ARK2N: variants seen among roughly 807,000 people sequenced by gnomAD.
The protein encoded by ARK2N is arkadia (RNF111) N-terminal like PKA signaling regulator 2N.
the ARK2N span, among the ~76,000 whole-genome samples, chr18:46,186,746 G>T: frequency 2.0e-5 from 3 of 152,076 alleles, no homozygotes; most frequent in African/African-American, 7.2e-5. Flanking sequence ...CTGACCTCGT[G>T]ATCCGCCCAC....
the ARK2N span, chr18:46,216,091 T>G: frequency 1.2e-6 from 2 of 1,614,142 alleles, no homozygotes; most frequent in East Asian, 4.5e-5. The surrounding 1 kb of genome is among the most constrained non-coding windows in gnomAD (Gnocchi z 4.3). Flanking sequence ...TGAGTCTCAG[T>G]TAGCATCCAC....
At chr18:46,232,430 C>A in the ARK2N span, 1 of 152,142 alleles carries the variant, frequency 6.6e-6, no homozygotes, top group Non-Finnish European at 1.5e-5. Context: ...TGCCACATGT[C>A]AGAAAATACA....
At chr18:46,237,747 C>T in the ARK2N span, among the ~76,000 whole-genome samples, 1 of 152,074 alleles carries the variant, frequency 6.6e-6, no homozygotes, top group South Asian at 2.1e-4. Flanking sequence ...GTAAAATGAC[C>T]TTGGAACACA....
chr18:46,244,601 A>ATTTTTTTT, the ARK2N span, among the ~76,000 whole-genome samples: 12,986 of 93,456 alleles, frequency 0.14, 1,732 homozygotes, highest in African/African-American at 0.17. Context: ...AAGAGTTTAG[A>ATTTTTTTT]TTTTTTTTTT....
chr18:46,252,879 C>T, the ARK2N span, among the ~76,000 whole-genome samples: 3 of 152,134 alleles, frequency 2.0e-5, no homozygotes, highest in Admixed American at 6.5e-5. Flanking sequence ...TTCTGTGAAG[C>T]TCATGTTTTC....
the ARK2N span, among the ~76,000 whole-genome samples, chr18:46,188,325 G>A: frequency 3.3e-5 from 5 of 152,046 alleles, no homozygotes; most frequent in African/African-American, 4.8e-5. Flanking sequence ...CTCAGCCTCC[G>A]GAGCAGCTGG....
the ARK2N span, among the ~76,000 whole-genome samples, chr18:46,248,173 G>A: frequency 6.6e-6 from 1 of 152,200 alleles, no homozygotes; most frequent in African/African-American, 2.4e-5. Flanking sequence ...GCTGGTGTTG[G>A]TACATGAGGA....
At chr18:46,177,337 G>A in the ARK2N span, among the ~76,000 whole-genome samples, 2 of 151,824 alleles carry the variant, frequency 1.3e-5, no homozygotes, top group Non-Finnish European at 2.9e-5. Flanking sequence ...GGGAGGATCA[G>A]TTGAACTCAG....
chr18:46,182,078 C>A, the ARK2N span, among the ~76,000 whole-genome samples: 2 of 152,012 alleles, frequency 1.3e-5, no homozygotes, highest in African/African-American at 4.8e-5. Flanking sequence ...AAGGTATTGT[C>A]GGGGATAGGG....
the ARK2N span, among the ~76,000 whole-genome samples, chr18:46,240,723 A>G: frequency 1.3e-5 from 2 of 152,180 alleles, no homozygotes; most frequent in Admixed American, 6.5e-5. Flanking sequence ...CTGTTAGCTC[A>G]GGAAAAAAAA....
the ARK2N span, among the ~76,000 whole-genome samples, chr18:46,196,732 A>T: frequency 1.3e-5 from 2 of 152,246 alleles, no homozygotes; most frequent in African/African-American, 4.8e-5. Flanking sequence ...TAGTTGGTCA[A>T]TTATGACTTT....
the ARK2N span, among the ~76,000 whole-genome samples, chr18:46,247,898 C>A: frequency 1.3e-5 from 2 of 152,210 alleles, no homozygotes; most frequent in Non-Finnish European, 2.9e-5. Flanking sequence ...GTCTCAAACA[C>A]CCGACCTCAA....
At chr18:46,262,797 T>C in the ARK2N span, 1 of 858,696 alleles carries the variant, frequency 1.2e-6, no homozygotes, top group East Asian at 2.6e-5. Flanking sequence ...AGGATATTGA[T>C]TGTGGGTTTT....
chr18:46,246,441 G>A, the ARK2N span, among the ~76,000 whole-genome samples: 9 of 152,268 alleles, frequency 5.9e-5, no homozygotes, highest in Admixed American at 4.6e-4. Flanking sequence ...TGTAGAGCAC[G>A]GCATCTCATT....
the ARK2N span, among the ~76,000 whole-genome samples, chr18:46,177,870 T>G: frequency 7.9e-5 from 12 of 151,784 alleles, no homozygotes; most frequent in Non-Finnish European, 1.5e-4. Flanking sequence ...GCCGCTGCAC[T>G]CCAGCCTGGG....
the ARK2N span, among the ~76,000 whole-genome samples, chr18:46,261,066 C>T: frequency 2.0e-4 from 30 of 152,212 alleles, no homozygotes; most frequent in South Asian, 6.2e-3. Context: ...CTTTGCCACT[C>T]GTTGCCTGAA....
At chr18:46,202,254 G>C in the ARK2N span, among the ~76,000 whole-genome samples, 2 of 152,120 alleles carry the variant, frequency 1.3e-5, no homozygotes, top group Non-Finnish European at 2.9e-5. Context: ...TTTGTTGATA[G>C]TTCACAAAAT....
chr18:46,244,082 T>C, the ARK2N span, among the ~76,000 whole-genome samples: 1 of 152,264 alleles, frequency 6.6e-6, no homozygotes, highest in Non-Finnish European at 1.5e-5. Context: ...TTTCTCCTGA[T>C]GATTCTGTCA....
the ARK2N span, among the ~76,000 whole-genome samples, chr18:46,247,341 T>C: frequency 1.3e-5 from 2 of 152,304 alleles, no homozygotes; most frequent in Admixed American, 1.3e-4. Flanking sequence ...TTCAGAAATA[T>C]TGATGACAGA....
Sources: allele counts gnomAD v4.1 joint callset (sites outside exome capture counted in the v4.1 genomes callset), GRCh38; gene constraint gnomAD v4.1.1; non-coding constraint Gnocchi (gnomAD v3.1); transcripts MANE v1.5; gene names NCBI Gene and HGNC (gene_info 2026-07-23, HGNC 2026-07-21).